Variants in NEK5 observed in about 807,000 individuals in gnomAD.
The protein encoded by NEK5 is serine/threonine-protein kinase Nek5.
A neutral mutation model predicts 109.2 loss-of-function variants in NEK5; 88 were observed. The ratio of observed to expected loss-of-function variants is 0.81; its 90% CI spans 0.68 to 0.96. The LOEUF (loss-of-function observed/expected upper bound fraction) is 0.96, where lower values mean the gene tolerates loss of function less well. NEK5 is among the 40% of genes least tolerant of loss of function. The pLI, the probability that NEK5 is intolerant of heterozygous loss-of-function variation, is 0.00. For missense variants in NEK5, 834 were observed against 920.7 expected (o/e 0.91, Z 1.22); for synonymous variants, 283 against 299.9 (o/e 0.94, Z 0.58).
At chr13:52,089,453 G>A in intron 13 of NEK5, 140 bp from the exon 14 acceptor site, 1 of 595,216 alleles carries the variant, frequency 1.7e-6, no homozygotes, top group Non-Finnish European at 3.0e-6. Flanking sequence ...GTAGTTCACA[G>A]TTACAGAATC....
intron 17 of NEK5, among the ~76,000 whole-genome samples, chr13:52,079,259 A>C (rs1023436789): frequency 1.2e-4 from 17 of 145,810 alleles, no homozygotes; most frequent in African/African-American, 4.4e-4. Flanking sequence ...GTCTTTTTAA[A>C]TAAGTAGGGC....
At chr13:52,051,552 AG>A (rs1047974701) in intron 22 of NEK5, among the ~76,000 whole-genome samples, 1 of 152,180 alleles carries the variant, frequency 6.6e-6, no homozygotes, top group African/African-American at 2.4e-5. Context: ...TTGGGGTACC[AG>A]GGATTACATT....
intron 8 of NEK5, among the ~76,000 whole-genome samples, chr13:52,107,838 A>C (rs1468078383): frequency 6.6e-6 from 1 of 152,184 alleles, no homozygotes; most frequent in Admixed American, 6.5e-5. Context: ...ATTTAGCAGG[A>C]GACAAAATAA....
chr13:52,068,755 G>T (rs1255423653), intron 20 of NEK5, among the ~76,000 whole-genome samples: 1 of 152,132 alleles, frequency 6.6e-6, no homozygotes, highest in Admixed American at 6.6e-5. Context: ...GATCACCTGA[G>T]ATCAAGAGTT....
chr13:52,068,970 C>CA lies in NEK5; in HGVS notation c.1849+2973dup, dbSNP rs5803593. Among the ~76,000 whole-genome samples, 356 of 134,540 alleles carry CA rather than the reference C, an allele frequency of 2.6e-3. 2 individuals carry two copies. The highest frequency in any genetic ancestry group is 8.9e-3 in the African/African-American group (301 of 33,830). 88.3% of individuals were successfully genotyped at this position (134,540 alleles called of 152,430 possible). A position where few individuals can be genotyped will look rare whatever the true frequency, so the allele number is the denominator to read the frequency against. On this transcript the variant is annotated intron_variant, in intron 20 of 23. Transcript: ENST00000684899. ...TGGGCGACAGAGGGAGACTCCCTCT[C>CA]AAAAAAAAAACAAAAAAAGAAAAAA...
At chr13:52,116,178 C>CAAG (rs1955854172) in intron 4 of NEK5, among the ~76,000 whole-genome samples, 1 of 115,944 alleles carries the variant, frequency 8.6e-6, no homozygotes, top group East Asian at 2.5e-4. Context: ...AAGACTGTCT[C>CAAG]AAAAAAAAAA....
chr13:52,098,033 G>A (rs868536354), intron 12 of NEK5, among the ~76,000 whole-genome samples: 1 of 152,076 alleles, frequency 6.6e-6, no homozygotes, highest in African/African-American at 2.4e-5. Flanking sequence ...CATTTAAGAT[G>A]AGCCTGCTTC....
At position 52,054,468 on chromosome 13, in the gene NEK5, G is replaced by C. The variant is rs138615940; in HGVS notation, c.2111-4247C>G. 5.3e-3 allele frequency among the ~76,000 whole-genome samples: 811 copies of C among 152,342 alleles called. 3 individuals are homozygous for C. Among genetic ancestry groups the C allele is most frequent in the Non-Finnish European group, 7.2e-3 (491 of 68,030 alleles). ...CCCAAAGGGCTGGGATTACAGGCAT[G>C]AGCCTGGCCAGGTAGAAGTTTTAAT... is the stretch of plus-strand genomic sequence containing the variant. On this transcript the variant is annotated intron_variant, in intron 22 of 23. Transcript: ENST00000684899.
chr13:52,092,663 A>T (rs931311989), intron 13 of NEK5, among the ~76,000 whole-genome samples: 1 of 152,202 alleles, frequency 6.6e-6, no homozygotes, highest in Admixed American at 6.5e-5. Flanking sequence ...AGGCGGGCAG[A>T]TCACCTGAGG....
At chr13:52,111,805 C>T (rs1202555555) in intron 5 of NEK5, among the ~76,000 whole-genome samples, 33 of 152,176 alleles carry the variant, frequency 2.2e-4, no homozygotes, top group Admixed American at 2.2e-3. Context: ...TCTTTTATCT[C>T]CCCCTCTTAA....
intron 23 of NEK5, among the ~76,000 whole-genome samples, chr13:52,039,647 A>T (rs556894623): frequency 6.6e-6 from 1 of 152,092 alleles, no homozygotes; most frequent in Admixed American, 6.5e-5. Context: ...ATTTGACTTC[A>T]TGCCTCTTAA....
chr13:52,103,283 T>C (rs1955579558), intron 9 of NEK5, among the ~76,000 whole-genome samples: 1 of 152,018 alleles, frequency 6.6e-6, no homozygotes, highest in Admixed American at 6.6e-5. Context: ...ACAAAAAAAT[T>C]AGCCGGGTGT....
chr13:52,080,253 C>G (rs1176042109), intron 17 of NEK5, among the ~76,000 whole-genome samples: 1 of 142,452 alleles, frequency 7.0e-6, no homozygotes, highest in Non-Finnish European at 1.6e-5. Flanking sequence ...GCCGCCCCAT[C>G]CGGGAGGGAG....
chr13:52,070,927 C>T (rs112338664), intron 20 of NEK5, among the ~76,000 whole-genome samples: 4,992 of 152,286 alleles, frequency 0.033, 107 homozygotes, highest in Non-Finnish European at 0.049. Context: ...ATTCCTACTA[C>T]TATTATCCCC....
intron 23 of NEK5, among the ~76,000 whole-genome samples, chr13:52,047,964 G>A (rs2140903764): frequency 6.6e-6 from 1 of 152,324 alleles, no homozygotes; most frequent in African/African-American, 2.4e-5. Context: ...TACAGTAGCA[G>A]TAGTTCTATA....
At chr13:52,071,911 C>A (rs1954790473) in intron 20 of NEK5, 33 bp downstream of exon 20, 1 of 1,604,990 alleles carries the variant, frequency 6.2e-7, no homozygotes, top group South Asian at 1.1e-5. Flanking sequence ...TAAAACAGTT[C>A]CTTCTCATTT....
At chr13:52,063,035 C>T (rs1361224365) in intron 21 of NEK5, among the ~76,000 whole-genome samples, 1 of 151,252 alleles carries the variant, frequency 6.6e-6, no homozygotes, top group Non-Finnish European at 1.5e-5. Context: ...CTCCCTCTCC[C>T]TCTCCCCACG....
At chr13:52,042,298 AG>A (rs1248588793) in intron 23 of NEK5, among the ~76,000 whole-genome samples, 1 of 151,694 alleles carries the variant, frequency 6.6e-6, no homozygotes, top group Non-Finnish European at 1.5e-5. Context: ...AGCACGGGAT[AG>A]GAAAAAAATG....
intron 22 of NEK5, among the ~76,000 whole-genome samples, chr13:52,057,232 C>T (rs1217255016): frequency 6.6e-6 from 1 of 152,066 alleles, no homozygotes; most frequent in South Asian, 2.1e-4. Flanking sequence ...CATACACTCT[C>T]CCAAGACTAA....
Sources: gnomAD v4.1 joint callset for allele counts (sites outside exome capture counted in the v4.1 genomes callset) on GRCh38, gnomAD v4.1.1 for gene constraint, MANE v1.5 for transcripts, NCBI Gene and HGNC (gene_info 2026-07-23, HGNC 2026-07-21) for gene names.